The following CERS6 variants were observed in gnomAD, a reference collection of about 807,000 sequenced individuals.
CERS6 encodes the protein LAG1 homolog, ceramide synthase 6.
In CERS6, 26 loss-of-function variants were observed where a neutral mutation model predicts 56.8. That is an observed-to-expected ratio of 0.46 (90% confidence interval 0.34 to 0.63). CERS6 has a LOEUF of 0.63. Among genes scored for constraint, CERS6 ranks in the 30% least tolerant of loss-of-function variants. The pLI, the probability that CERS6 is intolerant of heterozygous loss-of-function variation, is 0.01. For missense variants in CERS6, 415 were observed against 467.5 expected (o/e 0.89, Z 1.04); for synonymous variants, 164 against 173.3 (o/e 0.95, Z 0.42).
At chr2:168,731,019 A>G (rs953415309) in intron 8 of CERS6, among the ~76,000 whole-genome samples, 7 of 152,188 alleles carry the variant, frequency 4.6e-5, no homozygotes, top group Admixed American at 2.6e-4. Context: ...GACTGAAACA[A>G]TTCCAAATGC....
intron 6 of CERS6, among the ~76,000 whole-genome samples, chr2:168,704,116 G>T (rs1686872893): frequency 7.0e-6 from 1 of 142,304 alleles, no homozygotes; most frequent in Non-Finnish European, 1.6e-5. Flanking sequence ...CAAGTGCCTT[G>T]TCAAAGGAGA....
intron 4 of CERS6, among the ~76,000 whole-genome samples, chr2:168,685,095 A>G (rs1307665359): frequency 6.6e-6 from 1 of 152,200 alleles, no homozygotes; most frequent in Non-Finnish European, 1.5e-5. Context: ...GTTAGACTAT[A>G]TTCCTTGACT....
intron 3 of CERS6, among the ~76,000 whole-genome samples, chr2:168,617,638 T>G (rs566645910): frequency 6.6e-6 from 1 of 152,180 alleles, no homozygotes; most frequent in Admixed American, 6.5e-5. Context: ...CTAGAGGAGA[T>G]AGATAAATTC....
At chr2:168,506,416 A>T (rs1347890671) in intron 1 of CERS6, among the ~76,000 whole-genome samples, 1 of 152,124 alleles carries the variant, frequency 6.6e-6, no homozygotes, top group Non-Finnish European at 1.5e-5. Context: ...TGTAAACTAG[A>T]TCAGTGTCCA....
At chr2:168,586,691 T>G (rs2105400095) in intron 3 of CERS6, among the ~76,000 whole-genome samples, 1 of 152,308 alleles carries the variant, frequency 6.6e-6, no homozygotes, top group East Asian at 1.9e-4. Context: ...AATTCAGGCT[T>G]GAATTCTGTC....
chr2:168,723,464 A>G (rs1327691988), intron 8 of CERS6, among the ~76,000 whole-genome samples: 2 of 152,150 alleles, frequency 1.3e-5, no homozygotes, highest in Non-Finnish European at 2.9e-5. Context: ...CTTTCCTATT[A>G]TCTTCATCAA....
intron 4 of CERS6, among the ~76,000 whole-genome samples, chr2:168,679,453 G>A (rs1001604570): frequency 1.3e-5 from 2 of 152,120 alleles, no homozygotes; most frequent in African/African-American, 2.4e-5. Flanking sequence ...CAATTACAAT[G>A]TGTCAATTAA....
intron 8 of CERS6, among the ~76,000 whole-genome samples, chr2:168,750,881 G>C (rs1190008447): frequency 6.6e-6 from 1 of 152,168 alleles, no homozygotes; most frequent in Non-Finnish European, 1.5e-5. Context: ...TAGATAGTAA[G>C]TTCTTTGAGG....
At chr2:168,501,550 A>G (rs1222644955) in intron 1 of CERS6, among the ~76,000 whole-genome samples, 2 of 152,140 alleles carry the variant, frequency 1.3e-5, no homozygotes, top group African/African-American at 4.8e-5. Context: ...GGTCTGAGGG[A>G]ATGGACCAAC....
chr2:168,743,202 ATGTGTGTGTG>A (rs1305742285), intron 8 of CERS6, among the ~76,000 whole-genome samples: 3 of 148,704 alleles, frequency 2.0e-5, no homozygotes, highest in African/African-American at 7.6e-5. Flanking sequence ...GTATATATAT[ATGTGTGTGTG>A]TATGTGTGTG....
chr2:168,506,627 G>T (rs942085939), intron 1 of CERS6, among the ~76,000 whole-genome samples: 8 of 152,144 alleles, frequency 5.3e-5, no homozygotes, highest in African/African-American at 1.9e-4. Flanking sequence ...AGACTGAGGA[G>T]TTTTAGACTT....
intron 8 of CERS6, among the ~76,000 whole-genome samples, chr2:168,720,069 A>G (rs1687322060): frequency 6.6e-6 from 1 of 150,400 alleles, no homozygotes; most frequent in Non-Finnish European, 1.5e-5. Context: ...CTGAGACTAC[A>G]GCACGCACCA....
chr2:168,525,832 A>G (rs1020603), intron 1 of CERS6, among the ~76,000 whole-genome samples: 92,617 of 151,532 alleles, frequency 0.61, 28,741 homozygotes, highest in South Asian at 0.81. Flanking sequence ...AAGTCACTCT[A>G]TGAGCTGTTG....
chr2:168,682,908 C>G (rs1686255904), intron 4 of CERS6, among the ~76,000 whole-genome samples: 2 of 152,150 alleles, frequency 1.3e-5, no homozygotes, highest in African/African-American at 4.8e-5. Context: ...TAGAGAATCC[C>G]AAATTAAGAA....
chr2:168,704,056 T>C (rs1188605499), intron 6 of CERS6, among the ~76,000 whole-genome samples: 1 of 152,176 alleles, frequency 6.6e-6, no homozygotes, highest in African/African-American at 2.4e-5. Context: ...TTTATGGGAT[T>C]TTATTCAAAG....
intron 1 of CERS6, among the ~76,000 whole-genome samples, chr2:168,483,343 G>C (rs1412742489): frequency 1.3e-5 from 2 of 151,524 alleles, no homozygotes; most frequent in African/African-American, 4.9e-5. Context: ...TGGAAGCTCT[G>C]TGTGCTTATT....
intron 4 of CERS6, among the ~76,000 whole-genome samples, chr2:168,684,740 C>A (rs1283460831): frequency 6.6e-6 from 1 of 152,128 alleles, no homozygotes; most frequent in Non-Finnish European, 1.5e-5. Flanking sequence ...GTATTAATAA[C>A]AATGGGGAAA....
chr2:168,732,121 A>G (rs1429038717), intron 8 of CERS6, among the ~76,000 whole-genome samples: 2 of 152,192 alleles, frequency 1.3e-5, no homozygotes, highest in Non-Finnish European at 2.9e-5. Context: ...TTTCCTAGCC[A>G]TATGATTGCA....
At chr2:168,555,756 GTGTGTGTGTA>G (rs1695666536) in intron 2 of CERS6, among the ~76,000 whole-genome samples, 1 of 151,150 alleles carries the variant, frequency 6.6e-6, no homozygotes, top group Non-Finnish European at 1.5e-5. Flanking sequence ...GTGTGTGTGT[GTGTGTGTGTA>G]TGTAAAGATC....
Sources: gnomAD v4.1 joint callset for allele counts (sites outside exome capture counted in the v4.1 genomes callset) on GRCh38, gnomAD v4.1.1 for gene constraint, MANE v1.5 for transcripts, NCBI Gene and HGNC (gene_info 2026-07-23, HGNC 2026-07-21) for gene names.